Variants in ROBO1 observed in about 807,000 individuals in gnomAD.
ROBO1 encodes the protein roundabout guidance receptor 1, also known as roundabout homolog 1.
In ROBO1, 149 loss-of-function variants were observed where a neutral mutation model predicts 195.9. The ratio of observed to expected loss-of-function variants is 0.76; its 90% CI spans 0.67 to 0.87. ROBO1 has a LOEUF of 0.87. Ranked by LOEUF, ROBO1 falls within the 40% of genes least tolerant of loss-of-function variation. The probability of loss-of-function intolerance (pLI) is 0.00; values close to 1 mark genes in which losing one functional copy is unlikely to be tolerated. For missense variants in ROBO1, 1,933 were observed against 2,068.3 expected (o/e 0.93, Z 1.27); for synonymous variants, 816 against 733.2 (o/e 1.11, Z -1.82).
At chr3:79,656,709 A>T (rs940991928) in intron 1 of ROBO1, among the ~76,000 whole-genome samples, 1 of 151,892 alleles carries the variant, frequency 6.6e-6, no homozygotes, top group Non-Finnish European at 1.5e-5. Context: ...AGCCTGGACA[A>T]CATAGTGAGA....
intron 18 of ROBO1, 125 bp from the exon 19 acceptor site, chr3:78,652,054 T>A: frequency 1.4e-6 from 1 of 730,028 alleles, no homozygotes. Context: ...CTCACACCAC[T>A]CACCATCATC....
chr3:78,875,296 T>A (rs2035774251), intron 4 of ROBO1, among the ~76,000 whole-genome samples: 1 of 151,824 alleles, frequency 6.6e-6, no homozygotes, highest in Non-Finnish European at 1.5e-5. Context: ...ACCCATTAGG[T>A]TTTCTGGATA....
At chr3:79,650,442 A>G (rs2106741811) in intron 1 of ROBO1, among the ~76,000 whole-genome samples, 1 of 151,902 alleles carries the variant, frequency 6.6e-6, no homozygotes, top group South Asian at 2.1e-4. Context: ...GGTATTACAT[A>G]TACTGATATA....
intron 1 of ROBO1, among the ~76,000 whole-genome samples, chr3:79,739,841 G>A (rs568890495): frequency 3.3e-5 from 5 of 152,100 alleles, no homozygotes; most frequent in Admixed American, 2.6e-4. Flanking sequence ...GCAATGTAGC[G>A]ATAATAAAAT....
intron 2 of ROBO1, among the ~76,000 whole-genome samples, chr3:79,244,171 T>C (rs1170808190): frequency 4.6e-5 from 7 of 152,150 alleles, no homozygotes; most frequent in African/African-American, 1.4e-4. Context: ...TCATATATTC[T>C]TCCTCCTTGG....
intron 4 of ROBO1, among the ~76,000 whole-genome samples, chr3:78,757,525 A>T (rs921428453): frequency 6.6e-6 from 1 of 152,156 alleles, no homozygotes; most frequent in African/African-American, 2.4e-5. Context: ...AAGGATTAAA[A>T]GGAGTTTTCA....
Position 78,689,340 on chromosome 3 carries a change from G to A in ROBO1, c.1046-568C>T, listed in dbSNP as rs2081119248. ...CAAACAGAATATATATGGAAATGAG[G>A]GAAAATTTGAAACATCTGCTCATCC... On this transcript the variant is annotated intron_variant, in intron 8 of 30. Transcript: ENST00000464233. Among the ~76,000 whole-genome samples, 5 of 152,100 alleles carry A rather than the reference G, an allele frequency of 3.3e-5. No homozygotes were observed. In the South Asian group the frequency reaches 8.3e-4, roughly 25 times the overall value.
chr3:79,413,808 A>AT (rs960178416), intron 2 of ROBO1, among the ~76,000 whole-genome samples: 2 of 152,184 alleles, frequency 1.3e-5, no homozygotes, highest in Non-Finnish European at 2.9e-5. Flanking sequence ...TGTATAAAGA[A>AT]TTTTTTATCT....
chr3:79,277,830 T>G (rs1034782035), intron 2 of ROBO1, among the ~76,000 whole-genome samples: 4 of 151,704 alleles, frequency 2.6e-5, no homozygotes, highest in African/African-American at 9.7e-5. Flanking sequence ...CCAGAGTTAT[T>G]AACCAAAAGG....
chr3:79,490,856 G>A (rs950947377), intron 2 of ROBO1, among the ~76,000 whole-genome samples: 1 of 151,924 alleles, frequency 6.6e-6, no homozygotes, highest in African/African-American at 2.4e-5. Flanking sequence ...CTTTAGGGAG[G>A]GTGACTCGAG....
chr3:78,724,556 C>A (rs755726214), intron 5 of ROBO1, among the ~76,000 whole-genome samples: 79 of 146,818 alleles, frequency 5.4e-4, no homozygotes, highest in Non-Finnish European at 1.2e-4. Context: ...CTGGCACATG[C>A]GTGTAGTCCC....
chr3:79,362,180 A>T (rs912876303), intron 2 of ROBO1, among the ~76,000 whole-genome samples: 1 of 152,158 alleles, frequency 6.6e-6, no homozygotes, highest in African/African-American at 2.4e-5. Flanking sequence ...AGACACAGAC[A>T]ACAAATGAAA....
At chr3:79,764,587 G>A (rs984516997) in intron 1 of ROBO1, among the ~76,000 whole-genome samples, 1 of 152,148 alleles carries the variant, frequency 6.6e-6, no homozygotes, top group African/African-American at 2.4e-5. Flanking sequence ...CATCTTTGTG[G>A]TGTCTAGAGT....
intron 3 of ROBO1, among the ~76,000 whole-genome samples, chr3:79,116,761 G>A (rs190424999): frequency 9.9e-5 from 15 of 151,854 alleles, no homozygotes; most frequent in Admixed American, 2.0e-4. Flanking sequence ...TAAGTGATCC[G>A]CCCACCTTGG....
At chr3:79,525,224 G>A (rs1941377539) in intron 2 of ROBO1, among the ~76,000 whole-genome samples, 1 of 150,598 alleles carries the variant, frequency 6.6e-6, no homozygotes, top group Non-Finnish European at 1.5e-5. Flanking sequence ...TAAGGTTATG[G>A]TTAATTTTTT....
At chr3:78,639,698 T>C in intron 22 of ROBO1, 46 bp downstream of exon 22, 2 of 1,536,946 alleles carry the variant, frequency 1.3e-6, no homozygotes, top group Non-Finnish European at 1.8e-6. Flanking sequence ...TTCTGGCTAG[T>C]TCCTTAAAAA....
At chr3:79,195,579 G>A (rs921303127) in intron 2 of ROBO1, among the ~76,000 whole-genome samples, 1 of 151,326 alleles carries the variant, frequency 6.6e-6, no homozygotes, top group Admixed American at 6.6e-5. Context: ...AAAAAAGAAG[G>A]ACTTGTATAA....
intron 4 of ROBO1, among the ~76,000 whole-genome samples, chr3:78,799,804 T>TC (rs2084309220): frequency 6.6e-6 from 1 of 152,158 alleles, no homozygotes; most frequent in African/African-American, 2.4e-5. Context: ...CCTCCTTGGC[T>TC]CCCCAGTGGG....
intron 4 of ROBO1, among the ~76,000 whole-genome samples, chr3:78,900,086 T>C (rs1010372651): frequency 6.6e-6 from 1 of 152,146 alleles, no homozygotes; most frequent in African/African-American, 2.4e-5. Context: ...ATACGATCTG[T>C]TTCCCAGGAA....
Sources: gnomAD v4.1 joint callset for allele counts (sites outside exome capture counted in the v4.1 genomes callset) on GRCh38, gnomAD v4.1.1 for gene constraint, MANE v1.5 for transcripts, NCBI Gene and HGNC (gene_info 2026-07-23, HGNC 2026-07-21) for gene names.